PRKN: variants seen among roughly 807,000 people sequenced by gnomAD.
PRKN encodes the protein E3 ubiquitin-protein ligase parkin.
Under a neutral mutation model 59.5 loss-of-function variants are expected in PRKN, and 56 were observed. The observed-to-expected ratio is 0.94, with a 90% CI of 0.76 to 1.18. The LOEUF (loss-of-function observed/expected upper bound fraction) is 1.18. PRKN is among the 50% of genes most tolerant of loss of function. The pLI is 0.00. For synonymous variants in PRKN, 250 were observed against 222.1 expected, an observed-to-expected ratio of 1.13 and a Z score of -1.12; for missense variants, 657 against 596.4, an observed-to-expected ratio of 1.10 and a Z score of -1.06.
chr6:162,510,148 C>T (rs559878181), intron 1 of PRKN, among the ~76,000 whole-genome samples: 19 of 152,266 alleles, frequency 1.2e-4, no homozygotes, highest in South Asian at 4.1e-4. Context: ...AAACAACAGT[C>T]GGCACCCAAC....
In PRKN at chr6:162,443,374, A is replaced by G; in HGVS notation, c.107T>C (p.Val36Ala). The change falls in exon 2 of 12, where the codon GTT (valine) becomes GCT (alanine). Residue 36 changes from valine to alanine, a missense_variant. Coordinates refer to ENST00000366898, the MANE Select transcript of PRKN (RefSeq NM_004562.3). ...AATCACACGCAACTGGTCAGCCGGA[A>G]CCCCCTGTCGCTTAGCAACCACCTC... Reference protein sequence around the residue: ...LKEVVAKRQGVPADQLRVIFA... With the variant: ...LKEVVAKRQGAPADQLRVIFA... The G allele has an allele frequency of 6.2e-7, 1 of 1,613,656 alleles. No individual in the cohort carries two copies. The highest frequency in any genetic ancestry group is 1.1e-5 in the South Asian group (1 of 91,050).
At chr6:162,641,108 A>T (rs181230964) in intron 1 of PRKN, among the ~76,000 whole-genome samples, 53 of 152,270 alleles carry the variant, frequency 3.5e-4, no homozygotes, top group Admixed American at 1.4e-3. Flanking sequence ...TAAAATATTT[A>T]AAAAAATGAA....
intron 2 of PRKN, among the ~76,000 whole-genome samples, chr6:162,305,962 C>T (rs1198744176): frequency 6.6e-6 from 1 of 151,840 alleles, no homozygotes; most frequent in East Asian, 1.9e-4. Context: ...ATGTTTTAAT[C>T]TTTTTCTTGC....
Position 162,703,966 on chromosome 6 carries a change from G to C in PRKN, c.7+23696C>G, listed in dbSNP as rs1778248525. Among the ~76,000 whole-genome samples the C allele has an allele frequency of 2.6e-5, 4 of 152,176 alleles. No homozygotes were observed. In the South Asian group the frequency reaches 6.2e-4, roughly 24 times the overall value. ...AGAGATGAGGCCCTTCTCACGTGGA[G>C]ACCACAGACAGCATTTGCAGGGAGG... On this transcript the variant is annotated intron_variant, in intron 1 of 11. Transcript: ENST00000366898.
chr6:162,102,870 CGT>C (rs1780033129), intron 4 of PRKN, among the ~76,000 whole-genome samples: 1 of 151,584 alleles, frequency 6.6e-6, no homozygotes, highest in African/African-American at 2.4e-5. Flanking sequence ...GGTGAAACCC[CGT>C]CTCTACTGAA....
intron 5 of PRKN, among the ~76,000 whole-genome samples, chr6:162,013,097 C>A (rs1008866896): frequency 6.6e-6 from 1 of 152,072 alleles, no homozygotes; most frequent in Non-Finnish European, 1.5e-5. Flanking sequence ...TGCCAAACTG[C>A]AGTTTTTCTA....
At chr6:161,644,681 A>G (rs75854938) in intron 7 of PRKN, among the ~76,000 whole-genome samples, 120 of 152,306 alleles carry the variant, frequency 7.9e-4, no homozygotes, top group African/African-American at 2.8e-3. Flanking sequence ...AAATATAGAT[A>G]GGGAACTACC....
At chr6:161,714,903 T>C (rs912039017) in intron 7 of PRKN, among the ~76,000 whole-genome samples, 1 of 152,180 alleles carries the variant, frequency 6.6e-6, no homozygotes, top group Non-Finnish European at 1.5e-5. Flanking sequence ...ATTTTCAGGA[T>C]TGGAATATCC....
intron 8 of PRKN, among the ~76,000 whole-genome samples, chr6:161,567,880 T>A (rs984354801): frequency 1.6e-4 from 25 of 152,230 alleles, no homozygotes; most frequent in African/African-American, 5.5e-4. Flanking sequence ...TGATTCTTGC[T>A]TTAAGAAGTC....
intron 6 of PRKN, among the ~76,000 whole-genome samples, chr6:161,904,153 T>C (rs2128235688): frequency 6.6e-6 from 1 of 152,076 alleles, no homozygotes; most frequent in Non-Finnish European, 1.5e-5. Context: ...GCCCAACAAC[T>C]TTTTATTTGG....
intron 9 of PRKN, among the ~76,000 whole-genome samples, chr6:161,439,560 G>C (rs1046528156): frequency 1.3e-5 from 2 of 152,174 alleles, no homozygotes; most frequent in Non-Finnish European, 2.9e-5. Flanking sequence ...AGCTCTCAAC[G>C]GGTACAAGAG....
intron 6 of PRKN, among the ~76,000 whole-genome samples, chr6:161,930,885 T>C (rs1172612540): frequency 6.6e-6 from 1 of 152,064 alleles, no homozygotes; most frequent in African/African-American, 2.4e-5. Flanking sequence ...AAAGGGGCCA[T>C]GGGCCCAGGA....
rs1788445968 is a variant in PRKN, at chr6:162,413,400, G to C, written c.171+29910C>G. Among the ~76,000 whole-genome samples, 3 of 152,094 alleles carry C rather than the reference G, an allele frequency of 2.0e-5. No homozygotes were observed. In the South Asian group the frequency reaches 6.2e-4, roughly 32 times the overall value. On this transcript the variant is annotated intron_variant, in intron 2 of 11. Transcript: ENST00000366898. ...GCTATGCAGGGGGAAAGAGACAAAT[G>C]AGATTCTTGAAACATTTGTGAAATA...
intron 2 of PRKN, among the ~76,000 whole-genome samples, chr6:162,362,565 T>C (rs1785198476): frequency 6.6e-6 from 1 of 152,170 alleles, no homozygotes; most frequent in African/African-American, 2.4e-5. Flanking sequence ...TTACACCTGT[T>C]TCTCTATTTT....
rs997427361 is a variant in PRKN at position 161,409,571 on chromosome 6, T to C, written c.1084-22694A>G. Among the ~76,000 whole-genome samples the C allele has an allele frequency of 6.6e-6, 1 of 152,202 alleles. No individual in the cohort carries two copies. Among genetic ancestry groups the C allele is most frequent in the African/African-American group, 2.4e-5 (1 of 41,448 alleles). On this transcript the variant is annotated intron_variant, in intron 9 of 11. Transcript: ENST00000366898. This position sits in a 1 kb window ranked among gnomAD's most constrained non-coding sequence, Gnocchi z 4.6. ...AAGTGGTGTGCTTGCTGGATATTTT[T>C]AGATTGCCAGAATGTTCAGTGGAAT...
intron 10 of PRKN, among the ~76,000 whole-genome samples, chr6:161,370,886 C>T (rs1438367285): frequency 1.3e-5 from 2 of 152,202 alleles, no homozygotes; most frequent in Non-Finnish European, 2.9e-5. Context: ...TTCTCATCAA[C>T]GCTCGCCTCT....
At chr6:162,620,069 C>T in intron 1 of PRKN, among the ~76,000 whole-genome samples, 1 of 152,114 alleles carries the variant, frequency 6.6e-6, no homozygotes, top group South Asian at 2.1e-4. Flanking sequence ...AACTGCTTTG[C>T]ACGTGCATTC....
intron 4 of PRKN, among the ~76,000 whole-genome samples, chr6:162,159,633 G>T (rs1373089054): frequency 6.6e-6 from 1 of 152,086 alleles, no homozygotes; most frequent in African/African-American, 2.4e-5. Context: ...GAATAAAAAG[G>T]ACCTAAACTA....
chr6:161,970,133 C>A (rs1301169332), intron 6 of PRKN, among the ~76,000 whole-genome samples: 3 of 151,984 alleles, frequency 2.0e-5, no homozygotes. Context: ...CCTTGACCTC[C>A]CAGGCTCAAG....
Sources: allele counts gnomAD v4.1 joint callset (sites outside exome capture counted in the v4.1 genomes callset), GRCh38; gene constraint gnomAD v4.1.1; non-coding constraint Gnocchi (gnomAD v3.1); transcripts MANE v1.5; gene names NCBI Gene and HGNC (gene_info 2026-07-23, HGNC 2026-07-21).